LRRC9: variants seen among roughly 807,000 people sequenced by gnomAD.
LRRC9 encodes leucine rich repeat containing 9.
Under a neutral mutation model 63.2 loss-of-function variants are expected in LRRC9, and 122 were observed. The ratio of observed to expected loss-of-function variants is 1.93; its 90% CI spans 1.67 to 2.24. The LOEUF (loss-of-function observed/expected upper bound fraction) is 2.24. Ranked by LOEUF, LRRC9 falls within the 30% of genes most tolerant of loss-of-function variation. The probability of loss-of-function intolerance (pLI) is 0.00; values close to 1 mark genes in which losing one functional copy is unlikely to be tolerated. For missense variants in LRRC9, 1,071 were observed against 627.7 expected (o/e 1.71, Z -7.55); for synonymous variants, 366 against 213.1 (o/e 1.72, Z -6.25).
At position 59,930,060 on chromosome 14, in the gene LRRC9, G is replaced by A. The variant is rs898493318; in HGVS notation, c.268-858G>A. 6.6e-6 allele frequency among the ~76,000 whole-genome samples: 1 copy of A among 151,956 alleles called. No individual in the cohort carries two copies. Among genetic ancestry groups the A allele is most frequent in the Non-Finnish European group, 1.5e-5 (1 of 67,928 alleles). The stretch of plus-strand genomic sequence containing the variant: ...ATAACAAACCTGCACATGCACCCCT[G>A]AACTTAAAATATAAGTTCAATAAAT... On this transcript the variant is annotated intron_variant, in intron 3 of 31. Coordinates refer to ENST00000445360, the Ensembl canonical transcript of LRRC9. This position sits in a 1 kb window ranked among gnomAD's most constrained non-coding sequence, Gnocchi z 4.9.
chr14:60,006,423 C>T (rs764069892), exon 22 of LRRC9: 64 of 692,252 alleles, frequency 9.2e-5, no homozygotes, highest in African/African-American at 1.6e-4. Flanking sequence ...TAAATTAACT[C>T]GCCTCAGCAT....
chr14:59,999,360 A>G, intron 19 of LRRC9, 134 bp downstream of exon 19: 1 of 482,830 alleles, frequency 2.1e-6, no homozygotes, highest in South Asian at 3.8e-5. Flanking sequence ...GAGCAATCAT[A>G]CCACTTGGTA....
chr14:60,062,998 T>C (rs1358254092), intron 31 of LRRC9, among the ~76,000 whole-genome samples: 1 of 151,986 alleles, frequency 6.6e-6, no homozygotes, highest in Non-Finnish European at 1.5e-5. Context: ...TTCAAGCAAT[T>C]CTCCTGCCTC....
rs1330378320 is a variant in LRRC9, at chr14:60,027,964, T to C, written c.3784T>C (p.Ser1262Pro). 2.8e-6 allele frequency: 2 copies of C among 701,886 alleles called. No homozygotes were observed. Among genetic ancestry groups the C allele is most frequent in the Admixed American group, 4.0e-5 (2 of 49,956 alleles). 43.5% of individuals were successfully genotyped at this position (701,886 alleles called of 1,614,324 possible). A position where few individuals can be genotyped will look rare whatever the true frequency, so the allele number is the denominator to read the frequency against. ...GGTAGTGGACCATAACCGCATCCGA[T>C]CATTTAATGACAGTGCTTTTGCCAA... Residue 1262 changes from serine (S) to proline (P), a missense_variant, in exon 28 of 32, where the codon TCA (serine) becomes CCA (proline). By Grantham distance (74) the Ser-to-Pro change is moderately conservative. Coordinates refer to ENST00000445360, the Ensembl canonical transcript of LRRC9. This position sits in a 1 kb window ranked among gnomAD's most constrained non-coding sequence, Gnocchi z 4.0.
chr14:60,009,942 C>T (rs779353496), intron 23 of LRRC9, among the ~76,000 whole-genome samples: 18 of 152,330 alleles, frequency 1.2e-4, no homozygotes, highest in Non-Finnish European at 2.1e-4. Context: ...ATGCAAGAGG[C>T]GGGCTCCCAC....
At position 60,017,063 on chromosome 14, in the gene LRRC9, T is replaced by C. The variant is rs902532728; in HGVS notation, c.3317+273T>C. On this transcript the variant is annotated intron_variant, in intron 24 of 31. Transcript: ENST00000445360. The surrounding 1 kb of genome is among the most constrained non-coding windows in gnomAD (Gnocchi z 4.0). ...GCATGGCTAATTTTCTTTGTATTTT[T>C]TGTGGAGACAGCATTTATGCCATGT... 6.6e-6 allele frequency among the ~76,000 whole-genome samples: 1 copy of C among 152,004 alleles called. No homozygotes were observed. The highest frequency in any genetic ancestry group is 2.4e-5 in the African/African-American group (1 of 41,402).
chr14:60,032,247 A>G (rs1384345423), intron 29 of LRRC9, among the ~76,000 whole-genome samples, 184 bp downstream of exon 29: 1 of 152,166 alleles, frequency 6.6e-6, no homozygotes, highest in African/African-American at 2.4e-5. Context: ...ATGTATAAAT[A>G]AGAAGGTCTG....
rs183739746 is a variant in LRRC9, at chr14:59,966,859, C to T, written c.1388+94C>T. 9 of 560,096 alleles carry T rather than the reference C, an allele frequency of 1.6e-5. No homozygotes were observed. In the African/African-American group the frequency reaches 1.7e-4, roughly 10 times the overall value. The allele number at this position is 560,096 out of a possible 1,614,324, so 34.7% of individuals were successfully genotyped here. A position where few individuals can be genotyped will look rare whatever the true frequency, so the allele number is the denominator to read the frequency against. On this transcript the variant is annotated intron_variant, in intron 11 of 31. Coordinates refer to ENST00000445360, the Ensembl canonical transcript of LRRC9. This position sits in a 1 kb window ranked among gnomAD's most constrained non-coding sequence, Gnocchi z 4.0. The stretch of plus-strand genomic sequence containing the variant: ...AAAAGTTTACAGCATTAAAAATATA[C>T]ATATACCTTGTTAGTAAATGTTTCC...
Position 60,051,722 on chromosome 14 carries a change from C to T in LRRC9, c.3991-1343C>T, listed in dbSNP as rs1431680687. Reference sequence around the variant, plus strand: ...CTACTGCCTTGCCAGAATCCCGGCGCTGGAGTATATAAAACTTCTGGGTCT... The same window carrying T: ...CTACTGCCTTGCCAGAATCCCGGCGTTGGAGTATATAAAACTTCTGGGTCT... On this transcript the variant is annotated intron_variant, in intron 29 of 31. Coordinates refer to ENST00000445360, the Ensembl canonical transcript of LRRC9. This position sits in a 1 kb window ranked among gnomAD's most constrained non-coding sequence, Gnocchi z 4.7. Among the ~76,000 whole-genome samples the T allele has an allele frequency of 6.6e-6, 1 of 152,210 alleles. No homozygotes were observed. Among genetic ancestry groups the T allele is most frequent in the Non-Finnish European group, 1.5e-5 (1 of 68,040 alleles).
intron 8 of LRRC9, among the ~76,000 whole-genome samples, chr14:59,945,910 A>G (rs1882322874): frequency 6.6e-6 from 1 of 151,876 alleles, no homozygotes; most frequent in South Asian, 2.1e-4. Flanking sequence ...ATAAACTGTC[A>G]AAGTATGACA....
Position 60,016,764 on chromosome 14 carries a change from AC to A in LRRC9, c.3292del (p.Leu1098Ter). 1 of 697,352 alleles carries A rather than the reference AC, an allele frequency of 1.4e-6. No homozygotes were observed. 43.2% of individuals were successfully genotyped at this position (697,352 alleles called of 1,614,324 possible). A position where few individuals can be genotyped will look rare whatever the true frequency, so the allele number is the denominator to read the frequency against. On this transcript the variant is annotated frameshift_variant, in exon 24 of 32. Coordinates refer to ENST00000445360, the Ensembl canonical transcript of LRRC9. LOFTEE classifies it high-confidence loss of function. ...ATTCCAACTTCAAACAAATGCAAGA[AC>A]TAAATTGGACTTCATCATCTATTAG...
In LRRC9 at chr14:59,936,284, T is replaced by TA. The variant is rs1413074252; in HGVS notation, c.544-2105dup. 6.6e-6 allele frequency among the ~76,000 whole-genome samples: 1 copy of TA among 152,222 alleles called. No homozygotes were observed. The highest frequency in any genetic ancestry group is 1.5e-5 in the Non-Finnish European group (1 of 68,034). On this transcript the variant is annotated intron_variant, in intron 6 of 31. Coordinates refer to ENST00000445360, the Ensembl canonical transcript of LRRC9. This position sits in a 1 kb window ranked among gnomAD's most constrained non-coding sequence, Gnocchi z 4.2. ...AAAAGGCTTTTTATGGCATTATGAC[T>TA]ATCATAAAAACATTGAACGTGATTC...
rs577431180 is a variant in LRRC9, at chr14:59,994,513, A to T, written c.2212-3143A>T. 3.3e-5 allele frequency among the ~76,000 whole-genome samples: 5 copies of T among 152,374 alleles called. No individual in the cohort carries two copies. The South Asian group carries it at 1.0e-3, about 32-fold the overall frequency. On this transcript the variant is annotated intron_variant, in intron 17 of 31. Transcript: ENST00000445360. The stretch of plus-strand genomic sequence containing the variant: ...TGACCCAGCCATCCCATTACTGGGT[A>T]TATACCCAAAGGATTACAAATCATG...
In LRRC9 at chr14:60,003,037, G is replaced by A. The variant is rs1318016010; in HGVS notation, c.2665-584G>A. On this transcript the variant is annotated intron_variant, in intron 20 of 31. Transcript: ENST00000445360. This position sits in a 1 kb window ranked among gnomAD's most constrained non-coding sequence, Gnocchi z 4.2. The stretch of plus-strand genomic sequence containing the variant: ...GTCCTTATACCTCTTGCCAAACATA[G>A]AAACTGGGCTAAGTGAAGCTGCTCC... Among the ~76,000 whole-genome samples the A allele has an allele frequency of 1.3e-5, 2 of 152,162 alleles. No homozygotes were observed. The highest frequency in any genetic ancestry group is 1.3e-4 in the Admixed American group (2 of 15,280).
chr14:59,935,123 TAAA>T (rs34044624), intron 6 of LRRC9, among the ~76,000 whole-genome samples: 6 of 117,442 alleles, frequency 5.1e-5, no homozygotes, highest in Admixed American at 8.6e-5. Context: ...TTGTTTCTAC[TAAA>T]AAAAAAAAAA....
chr14:59,995,260 G>A (rs992555892), intron 17 of LRRC9, among the ~76,000 whole-genome samples: 2 of 152,180 alleles, frequency 1.3e-5, no homozygotes, highest in Admixed American at 6.5e-5. Flanking sequence ...AGAATATCTG[G>A]GAGAAGGAAA....
intron 15 of LRRC9, among the ~76,000 whole-genome samples, chr14:59,979,801 A>C (rs1886729362): frequency 9.0e-6 from 1 of 111,712 alleles, no homozygotes; most frequent in Admixed American, 1.3e-4. Context: ...GGAACATCAC[A>C]CTCTGGGGAC....
At chr14:59,985,298 T>G (rs771662997) in intron 17 of LRRC9, 74 bp downstream of exon 17, 1 of 536,844 alleles carries the variant, frequency 1.9e-6, no homozygotes, top group Admixed American at 3.0e-5. Flanking sequence ...TATCAGGGCC[T>G]AAGGGCTAGG....
exon 32 of LRRC9, chr14:60,063,464 T>C: frequency 3.1e-6 from 2 of 652,858 alleles, no homozygotes. Context: ...AAAAAGATAA[T>C]CATGTTACTT....
Sources: gnomAD v4.1 joint callset for allele counts (sites outside exome capture counted in the v4.1 genomes callset) on GRCh38, gnomAD v4.1.1 for gene constraint, Gnocchi (gnomAD v3.1) non-coding constraint, MANE v1.5 for transcripts, NCBI Gene and HGNC (gene_info 2026-07-23, HGNC 2026-07-21) for gene names.